The following MIB1 variants were observed in gnomAD, a reference collection of about 807,000 sequenced individuals.
MIB1 encodes MIB E3 ubiquitin protein ligase 1, also known as E3 ubiquitin-protein ligase MIB1.
Under a neutral mutation model 124.5 loss-of-function variants are expected in MIB1, and 278 were observed. The ratio of observed to expected loss-of-function variants is 2.23; its 90% confidence interval spans 2.02 to 2.47. The LOEUF is 2.47. Among genes scored for constraint, MIB1 ranks in the 30% most tolerant of loss-of-function variants. The pLI is 0.00. For synonymous variants in MIB1, 446 were observed against 429.4 expected (o/e 1.04, Z -0.48); for missense variants, 957 against 1,254.4 (o/e 0.76, Z 3.58).
Position 21,765,792 on chromosome 18 carries a change from A to ATG in MIB1, c.255_256dup (p.Asp86ValfsTer36). 1 of 1,614,140 alleles carries ATG rather than the reference A, an allele frequency of 6.2e-7. No individual in the cohort carries two copies. Among genetic ancestry groups the ATG allele is most frequent in the African/African-American group, 1.3e-5 (1 of 75,064 alleles). On this transcript the variant is annotated frameshift_variant, in exon 2 of 21. Coordinates refer to ENST00000261537, the MANE Select transcript of MIB1 (RefSeq NM_020774.4). LOFTEE classifies it high-confidence loss of function. ...AATAGGCATCAAGCATGATGGAACC[A>ATG]TGTGTGATACCTGCCGCCAGCAACC... is the stretch of plus-strand genomic sequence containing the variant.
intron 15 of MIB1, among the ~76,000 whole-genome samples, chr18:21,844,528 T>G (rs530315888): frequency 1.3e-5 from 2 of 152,062 alleles, no homozygotes; most frequent in South Asian, 4.2e-4. Flanking sequence ...CACCTGGGTT[T>G]AAGCCATTCT....
intron 9 of MIB1, among the ~76,000 whole-genome samples, chr18:21,802,381 GT>G (rs755584416): frequency 1.3e-5 from 2 of 149,964 alleles, no homozygotes; most frequent in African/African-American, 4.9e-5. Flanking sequence ...TTTTTTTCCT[GT>G]TTTTTTTCTT....
rs558649726 is a variant in MIB1, at chr18:21,803,826, A to G, written c.1372-81A>G. The G allele has an allele frequency of 5.0e-6, 5 of 994,778 alleles. No homozygotes were observed. The Admixed American group carries it at 9.5e-5, about 19-fold the overall frequency. The allele number at this position is 994,778 out of a possible 1,614,324, so 61.6% of individuals were successfully genotyped here. ...CTCGTGGAATCATACAGTATACTAG[A>G]CTTAAACCTACACCGTATGTATATA... On this transcript the variant is annotated intron_variant, in intron 9 of 20. Coordinates refer to ENST00000261537, the MANE Select transcript of MIB1 (RefSeq NM_020774.4).
intron 1 of MIB1, among the ~76,000 whole-genome samples, chr18:21,731,207 T>G (rs2040768151): frequency 6.6e-6 from 1 of 152,200 alleles, no homozygotes; most frequent in South Asian, 2.1e-4. Flanking sequence ...GTTTCTGGGG[T>G]GCAGTGACTG....
intron 7 of MIB1, among the ~76,000 whole-genome samples, chr18:21,795,083 A>C (rs2041557766): frequency 2.6e-5 from 4 of 151,430 alleles, no homozygotes. Flanking sequence ...TAACAATGTA[A>C]ATTTTAGTTG....
chr18:21,724,727 A>AAAAAAAAAATAT (rs1350936232), intron 1 of MIB1, among the ~76,000 whole-genome samples: 1 of 17,370 alleles, frequency 5.8e-5, no homozygotes, highest in African/African-American at 1.8e-4. Context: ...AAAAAAAAAA[A>AAAAAAAAAATAT]ATATATATAT....
intron 12 of MIB1, chr18:21,830,500 T>G (rs1053132138): frequency 3.7e-4 from 57 of 152,164 alleles, no homozygotes; most frequent in African/African-American, 1.3e-3. Context: ...ATTGTGAAAT[T>G]AGGCTATGGT....
chr18:21,755,423 C>T (rs567347612), intron 1 of MIB1, among the ~76,000 whole-genome samples: 1 of 152,018 alleles, frequency 6.6e-6, no homozygotes, highest in Non-Finnish European at 1.5e-5. Flanking sequence ...CCTCTGCCTC[C>T]CAGGTTCAAG....
intron 1 of MIB1, among the ~76,000 whole-genome samples, chr18:21,761,125 T>C (rs184363660): frequency 6.6e-6 from 1 of 152,298 alleles, no homozygotes; most frequent in Non-Finnish European, 1.5e-5. Flanking sequence ...ATGTCCATTT[T>C]GGAAAAATAA....
intron 1 of MIB1, among the ~76,000 whole-genome samples, chr18:21,710,253 G>A (rs1366773041): frequency 6.6e-6 from 1 of 151,622 alleles, no homozygotes; most frequent in East Asian, 1.9e-4. Flanking sequence ...GCACCATCAC[G>A]CCCAGCTAAT....
chr18:21,814,939 T>C (rs2041811361), intron 10 of MIB1, among the ~76,000 whole-genome samples: 1 of 144,620 alleles, frequency 6.9e-6, no homozygotes, highest in Non-Finnish European at 1.5e-5. Context: ...TAAAAATTTT[T>C]AAATGTCAAA....
chr18:21,786,596 G>A (rs1793206638), intron 6 of MIB1, among the ~76,000 whole-genome samples: 1 of 152,016 alleles, frequency 6.6e-6, no homozygotes, highest in African/African-American at 2.4e-5. Context: ...CTTTTTTGAA[G>A]TTAGTCTCTA....
Position 21,741,483 on chromosome 18 carries a change from C to A in MIB1, c.-101C>A. 2.7e-6 allele frequency: 2 copies of A among 747,372 alleles called. No homozygotes were observed. Among genetic ancestry groups the A allele is most frequent in the African/African-American group, 1.9e-5 (1 of 53,902 alleles). The allele number at this position is 747,372 out of a possible 1,614,324, so 46.3% of individuals were successfully genotyped here. A position where few individuals can be genotyped will look rare whatever the true frequency, so the allele number is the denominator to read the frequency against. On this transcript the variant is annotated 5_prime_UTR_variant, in exon 1 of 21. Transcript: ENST00000261537. The surrounding 1 kb of genome is among the most constrained non-coding windows in gnomAD (Gnocchi z 5.4). ...CCCCGGGGCTCGCTGCCGCCCCCGC[C>A]GACGCCTAGAGTCCGGCCCGGGCCC...
At chr18:21,775,164 C>T (rs1289238139) in intron 4 of MIB1, among the ~76,000 whole-genome samples, 1 of 151,844 alleles carries the variant, frequency 6.6e-6, no homozygotes, top group Non-Finnish European at 1.5e-5. Context: ...CCAGGATGGT[C>T]TTGATCTCCT....
chr18:21,847,467 T>G (rs2042145036), intron 16 of MIB1, among the ~76,000 whole-genome samples: 1 of 152,182 alleles, frequency 6.6e-6, no homozygotes, highest in Non-Finnish European at 1.5e-5. Context: ...TAATGTTACA[T>G]GTATTTTAAA....
At chr18:21,725,249 C>A (rs1437435702) in intron 1 of MIB1, among the ~76,000 whole-genome samples, 2 of 151,874 alleles carry the variant, frequency 1.3e-5, no homozygotes, top group South Asian at 4.2e-4. Flanking sequence ...CTTTTGGAGG[C>A]GCATTCTGTC....
intron 1 of MIB1, among the ~76,000 whole-genome samples, chr18:21,750,556 TG>T (rs2146386455): frequency 6.6e-6 from 1 of 152,258 alleles, no homozygotes; most frequent in African/African-American, 2.4e-5. Context: ...CTCCATCTCC[TG>T]ATCTTGTGAT....
intron 2 of MIB1, 45 bp downstream of exon 2, chr18:21,765,988 A>T (rs749604317): frequency 1.9e-6 from 3 of 1,575,250 alleles, no homozygotes. Flanking sequence ...TTTTGTTTGT[A>T]TTCAAGTTAT....
At chr18:21,777,616 G>A (rs971362373) in intron 4 of MIB1, among the ~76,000 whole-genome samples, 2 of 151,908 alleles carry the variant, frequency 1.3e-5, no homozygotes, top group African/African-American at 4.8e-5. Context: ...GTGCAGTGGC[G>A]TGACCTCAGC....
Sources: gnomAD v4.1 joint callset for allele counts (sites outside exome capture counted in the v4.1 genomes callset) on GRCh38, gnomAD v4.1.1 for gene constraint, Gnocchi (gnomAD v3.1) non-coding constraint, MANE v1.5 for transcripts, NCBI Gene and HGNC (gene_info 2026-07-23, HGNC 2026-07-21) for gene names.